Variants in GRB10 observed in about 807,000 individuals in gnomAD.
GRB10 encodes growth factor receptor bound protein 10.
GRB10 carries 20 observed loss-of-function variants against 80.9 expected under a neutral mutation model. The observed-to-expected ratio is 0.25, with a 90% CI of 0.17 to 0.36. The LOEUF (loss-of-function observed/expected upper bound fraction) is 0.36. GRB10 is among the 10% of genes least tolerant of loss of function. The pLI is 1.00. For synonymous variants in GRB10, 291 were observed against 291.5 expected (o/e 1.00, Z 0.02); for missense variants, 548 against 747.7 (o/e 0.73, Z 3.12).
chr7:50,785,008 G>T (rs931945172), upstream of GRB10, among the ~76,000 whole-genome samples: 6 of 152,212 alleles, frequency 3.9e-5, no homozygotes, highest in Admixed American at 6.5e-5. Context: ...CAGGTCTCTG[G>T]ACCAGGATCA....
At chr7:50,780,381 T>C (rs1010829325) in intron 2 of GRB10, among the ~76,000 whole-genome samples, 22 of 152,028 alleles carry the variant, frequency 1.4e-4, no homozygotes, top group African/African-American at 5.3e-4. Context: ...CCTCCTAGGG[T>C]CCACAGGACT....
At chr7:50,672,908 C>G (rs1455980840) in intron 6 of GRB10, among the ~76,000 whole-genome samples, 1 of 152,128 alleles carries the variant, frequency 6.6e-6, no homozygotes, top group East Asian at 1.9e-4. Context: ...TTGAACAAAC[C>G]CTGGGACAGG....
At chr7:50,644,246 C>G (rs1242588244) in intron 7 of GRB10, among the ~76,000 whole-genome samples, 1 of 152,178 alleles carries the variant, frequency 6.6e-6, no homozygotes, top group Non-Finnish European at 1.5e-5. Context: ...TTCCTTGAGT[C>G]CAGGCCCTGG....
chr7:50,655,172 G>A (rs1004832601), intron 7 of GRB10, among the ~76,000 whole-genome samples: 5 of 152,162 alleles, frequency 3.3e-5, no homozygotes, highest in Admixed American at 3.3e-4. Flanking sequence ...TTTGAGATTA[G>A]CTGTAGAGAT....
chr7:50,670,910 C>A (rs574367464), intron 6 of GRB10, among the ~76,000 whole-genome samples: 2 of 152,316 alleles, frequency 1.3e-5, no homozygotes, highest in South Asian at 2.1e-4. Context: ...ATCCACACAC[C>A]ACCTCTACTT....
intron 7 of GRB10, among the ~76,000 whole-genome samples, chr7:50,648,062 G>C (rs912110263): frequency 5.3e-5 from 8 of 152,084 alleles, no homozygotes; most frequent in African/African-American, 1.7e-4. Flanking sequence ...AGTTTGGATG[G>C]GAATGTAAAC....
intron 11 of GRB10, among the ~76,000 whole-genome samples, chr7:50,615,884 A>G (rs1188075581): frequency 6.6e-6 from 1 of 152,222 alleles, no homozygotes; most frequent in African/African-American, 2.4e-5. Flanking sequence ...ACATCTTTAC[A>G]GCTAGCTTAA....
intron 5 of GRB10, among the ~76,000 whole-genome samples, chr7:50,685,825 G>A (rs1225310557): frequency 1.3e-5 from 2 of 152,146 alleles, no homozygotes; most frequent in Admixed American, 6.5e-5. Context: ...CCAAGAAATG[G>A]CAGTTCTCCA....
At position 50,777,558 on chromosome 7, in the gene GRB10, C is replaced by CT. The variant is rs201208024; in HGVS notation, c.-217+3068dup. Among the ~76,000 whole-genome samples, 862 of 147,452 alleles carry CT rather than the reference C, an allele frequency of 5.8e-3. 15 individuals carry two copies. The highest frequency in any genetic ancestry group is 0.044 in the East Asian group (221 of 5,080). On this transcript the variant is annotated intron_variant, in intron 2 of 18. Transcript: ENST00000401949. ...GTATGTGAATTATACCTCAATACAG[C>CT]TTTTTTTTTTAAGAGAGGACTGTAT... is the stretch of plus-strand genomic sequence containing the variant.
chr7:50,631,463 T>C (rs2053989793), intron 7 of GRB10, among the ~76,000 whole-genome samples: 1 of 152,186 alleles, frequency 6.6e-6, no homozygotes, highest in South Asian at 2.1e-4. Flanking sequence ...TGCGACCAGT[T>C]TCATCCCAGT....
chr7:50,612,338 G>A (rs933002768), intron 13 of GRB10, among the ~76,000 whole-genome samples: 2 of 152,052 alleles, frequency 1.3e-5, no homozygotes, highest in Admixed American at 1.3e-4. Flanking sequence ...CCCATCCTCT[G>A]GCTTCAGGGC....
chr7:50,757,694 G>T (rs146006468), intron 2 of GRB10, among the ~76,000 whole-genome samples: 27 of 152,348 alleles, frequency 1.8e-4, no homozygotes, highest in African/African-American at 6.5e-4. Context: ...AAGGGTGCAT[G>T]GGCAAACAAG....
intron 4 of GRB10, among the ~76,000 whole-genome samples, chr7:50,711,426 G>A (rs927421334): frequency 7.9e-5 from 12 of 152,188 alleles, no homozygotes; most frequent in African/African-American, 2.9e-4. Flanking sequence ...GCTGAGACGG[G>A]TGGGGCACAT....
intron 4 of GRB10, among the ~76,000 whole-genome samples, chr7:50,716,075 C>T (rs2066817569): frequency 6.6e-6 from 1 of 152,196 alleles, no homozygotes; most frequent in African/African-American, 2.4e-5. Flanking sequence ...ACACACATCT[C>T]CAGCTGAGGA....
chr7:50,718,048 A>T (rs1160956893), intron 4 of GRB10, among the ~76,000 whole-genome samples: 1 of 152,242 alleles, frequency 6.6e-6, no homozygotes, highest in Non-Finnish European at 1.5e-5. Flanking sequence ...CCAGGGACTC[A>T]GTCGGCCCAG....
At chr7:50,729,756 T>TC (rs890006084) in intron 4 of GRB10, among the ~76,000 whole-genome samples, 8 of 128,192 alleles carry the variant, frequency 6.2e-5, no homozygotes, top group Admixed American at 5.8e-4. Flanking sequence ...CGGCCCTCTC[T>TC]CCCCCCGTTG....
intron 4 of GRB10, among the ~76,000 whole-genome samples, chr7:50,731,022 C>G (rs936882710): frequency 3.3e-5 from 5 of 152,174 alleles, no homozygotes; most frequent in Admixed American, 3.3e-4. Context: ...GAGAACTGGA[C>G]TTGTGACCTG....
At chr7:50,709,579 C>T (rs79069328) in intron 4 of GRB10, among the ~76,000 whole-genome samples, 6 of 151,660 alleles carry the variant, frequency 4.0e-5, no homozygotes, top group African/African-American at 9.7e-5. Flanking sequence ...TCCCCACCCC[C>T]ACCCCGCGCC....
chr7:50,783,843 G>C (rs2078556771), upstream of GRB10, among the ~76,000 whole-genome samples: 1 of 152,208 alleles, frequency 6.6e-6, no homozygotes, highest in Non-Finnish European at 1.5e-5. Flanking sequence ...GGTTCAAAGA[G>C]TGGAAAAGCT....
Sources: gnomAD v4.1 joint callset for allele counts (sites outside exome capture counted in the v4.1 genomes callset) on GRCh38, gnomAD v4.1.1 for gene constraint, MANE v1.5 for transcripts, NCBI Gene and HGNC (gene_info 2026-07-23, HGNC 2026-07-21) for gene names.